SEC23B: variants seen among roughly 807,000 people sequenced by gnomAD.
The protein encoded by SEC23B is protein transport protein Sec23B.
Under a neutral mutation model 104.3 loss-of-function variants are expected in SEC23B, and 77 were observed. The ratio of observed to expected loss-of-function variants is 0.74; its 90% CI spans 0.61 to 0.89. SEC23B has a LOEUF of 0.89. SEC23B is among the 40% of genes least tolerant of loss of function. SEC23B has a pLI of 0.00. For synonymous variants in SEC23B, 338 were observed against 332.5 expected, an observed-to-expected ratio of 1.02 and a Z score of -0.18; for missense variants, 885 against 949.4, an observed-to-expected ratio of 0.93 and a Z score of 0.89.
intron 19 of SEC23B, among the ~76,000 whole-genome samples, chr20:18,556,360 C>T (rs911664994): frequency 6.6e-6 from 1 of 152,144 alleles, no homozygotes; most frequent in African/African-American, 2.4e-5. Flanking sequence ...TTTGGGGATC[C>T]ACAGGAGGTC....
intron 19 of SEC23B, among the ~76,000 whole-genome samples, chr20:18,555,920 T>C (rs1022030598): frequency 6.6e-6 from 1 of 151,788 alleles, no homozygotes; most frequent in Non-Finnish European, 1.5e-5. Flanking sequence ...CAACTCACCA[T>C]AATGTAGAAT....
At chr20:18,512,400 G>C (rs2059989335) in intron 3 of SEC23B, 118 bp downstream of exon 3, 2 of 661,980 alleles carry the variant, frequency 3.0e-6, no homozygotes, top group African/African-American at 3.6e-5. Context: ...CTGAACTCAG[G>C]GTGATAACTT....
intron 4 of SEC23B, among the ~76,000 whole-genome samples, chr20:18,518,582 G>T (rs1226668538): frequency 6.5e-5 from 6 of 92,664 alleles, no homozygotes; most frequent in Admixed American, 1.5e-4. Flanking sequence ...CTGGAAGGAG[G>T]TTTTTTTTTT....
At chr20:18,547,293 G>T (rs1301876960) in intron 15 of SEC23B, among the ~76,000 whole-genome samples, 2 of 152,134 alleles carry the variant, frequency 1.3e-5, no homozygotes, top group African/African-American at 4.8e-5. Context: ...GGGATGGTAA[G>T]AGAACTTACC....
At chr20:18,556,478 C>T (rs767252577) in intron 19 of SEC23B, among the ~76,000 whole-genome samples, 7 of 152,160 alleles carry the variant, frequency 4.6e-5, no homozygotes, top group Admixed American at 1.3e-4. Context: ...GCTTACTACT[C>T]TTAGGAGTTT....
In SEC23B at chr20:18,525,009, T is replaced by C. The variant is rs1164959255; in HGVS notation, c.678T>C (p.Phe226=). 6.2e-7 allele frequency: 1 copy of C among 1,614,072 alleles called. No homozygotes were observed. The highest frequency in any genetic ancestry group is 8.5e-7 in the Non-Finnish European group (1 of 1,180,042). ...ARPAQPQEHP[F]ASSRFLQPVH... is the part of the protein sequence containing the mutation. Reference sequence around the variant, plus strand: ...CTGCACAACCACAGGAGCACCCTTTTGCTTCAAGCAGGTGAGAGCCCAACA... The same window carrying C: ...CTGCACAACCACAGGAGCACCCTTTCGCTTCAAGCAGGTGAGAGCCCAACA... The change falls in exon 6 of 20, where the codon TTT becomes TTC. Residue 226 remains phenylalanine, a synonymous_variant. Coordinates refer to ENST00000650089, the MANE Select transcript of SEC23B (RefSeq NM_006363.6).
chr20:18,557,689 ATTG>A (rs1267569711), intron 19 of SEC23B, among the ~76,000 whole-genome samples: 1 of 143,406 alleles, frequency 7.0e-6, no homozygotes, highest in Non-Finnish European at 1.5e-5. Context: ...GGTTGCTTTT[ATTG>A]TTTTCTTTCT....
At chr20:18,508,888 T>A (rs897166337) in intron 1 of SEC23B, among the ~76,000 whole-genome samples, 1 of 151,886 alleles carries the variant, frequency 6.6e-6, no homozygotes, top group Non-Finnish European at 1.5e-5. Context: ...GCCCAGCTAA[T>A]TTTTGTATTT....
chr20:18,549,591 A>C (rs534324111), intron 16 of SEC23B, among the ~76,000 whole-genome samples: 1 of 152,352 alleles, frequency 6.6e-6, no homozygotes, highest in Admixed American at 6.5e-5. Context: ...GTTACATGAA[A>C]AAAAGTCAAA....
At chr20:18,525,280 G>T (rs2060124225) in intron 6 of SEC23B, among the ~76,000 whole-genome samples, 1 of 152,170 alleles carries the variant, frequency 6.6e-6, no homozygotes, top group South Asian at 2.1e-4. Flanking sequence ...CTTCTTTCAT[G>T]TGTCCTCAAA....
intron 4 of SEC23B, among the ~76,000 whole-genome samples, chr20:18,521,749 T>C (rs6081179): frequency 0.68 from 103,433 of 151,850 alleles, 36,660 homozygotes; most frequent in Non-Finnish European, 0.8. Flanking sequence ...TAAAAGGACT[T>C]AAGAGCTTGG....
intron 15 of SEC23B, among the ~76,000 whole-genome samples, chr20:18,548,066 C>T (rs1304242615): frequency 3.3e-5 from 5 of 152,126 alleles, no homozygotes; most frequent in Non-Finnish European, 7.3e-5. Context: ...ATTTTCCTGC[C>T]TCAGCCTCCT....
At chr20:18,528,693 C>T (rs2060155782) in intron 9 of SEC23B, among the ~76,000 whole-genome samples, 1 of 152,212 alleles carries the variant, frequency 6.6e-6, no homozygotes, top group South Asian at 2.1e-4. Context: ...CCAAATGATA[C>T]TGATGTAGCT....
chr20:18,517,112 C>A (rs754318702), intron 4 of SEC23B, among the ~76,000 whole-genome samples: 2 of 152,044 alleles, frequency 1.3e-5, no homozygotes, highest in Non-Finnish European at 2.9e-5. Flanking sequence ...CCATTTTTAT[C>A]GGAAATAATT....
At chr20:18,556,623 CTTTA>C (rs2060440742) in intron 19 of SEC23B, among the ~76,000 whole-genome samples, 1 of 152,168 alleles carries the variant, frequency 6.6e-6, no homozygotes, top group Non-Finnish European at 1.5e-5. Flanking sequence ...ATTTCATTGA[CTTTA>C]TTATCTTTTT....
intron 15 of SEC23B, among the ~76,000 whole-genome samples, chr20:18,547,437 C>T (rs1346832462): frequency 6.6e-6 from 1 of 152,138 alleles, no homozygotes; most frequent in Non-Finnish European, 1.5e-5. Context: ...GGAAGCTTTA[C>T]ACTTCACAAG....
chr20:18,543,224 C>G (rs767391702), intron 14 of SEC23B, 52 bp downstream of exon 14: 1 of 1,608,146 alleles, frequency 6.2e-7, no homozygotes, highest in Admixed American at 1.7e-5. Flanking sequence ...GCTTTACTTT[C>G]GAGAAGAAAA....
At chr20:18,517,030 C>CA (rs1424656014) in intron 4 of SEC23B, among the ~76,000 whole-genome samples, 1 of 152,286 alleles carries the variant, frequency 6.6e-6, no homozygotes, top group East Asian at 1.9e-4. Context: ...TGAGCATGCT[C>CA]AAAAGTGAGT....
At chr20:18,540,118 A>G (rs746939045) in intron 12 of SEC23B, among the ~76,000 whole-genome samples, 5 of 152,246 alleles carry the variant, frequency 3.3e-5, no homozygotes, top group Non-Finnish European at 7.3e-5. Flanking sequence ...AATGACATGT[A>G]GAATGGTGAA....
Sources: gnomAD v4.1 joint callset for allele counts (sites outside exome capture counted in the v4.1 genomes callset) on GRCh38, gnomAD v4.1.1 for gene constraint, MANE v1.5 for transcripts, NCBI Gene and HGNC (gene_info 2026-07-23, HGNC 2026-07-21) for gene names.